The following BMP6 variants were observed in gnomAD, a reference collection of about 807,000 sequenced individuals.
The protein encoded by BMP6 is VG-1-R.
In BMP6, 17 loss-of-function variants were observed where a neutral mutation model predicts 54.1. That is an observed-to-expected ratio of 0.31 (90% confidence interval 0.22 to 0.47). The LOEUF is 0.47. Ranked by LOEUF, BMP6 falls within the 20% of genes least tolerant of loss-of-function variation. The pLI is 1.00. For synonymous variants in BMP6, 328 were observed against 291.2 expected (o/e 1.13, Z -1.28); for missense variants, 720 against 690.4 (o/e 1.04, Z -0.48).
At chr6:7,752,855 C>T (rs893170261) in intron 1 of BMP6, among the ~76,000 whole-genome samples, 5 of 152,106 alleles carry the variant, frequency 3.3e-5, no homozygotes, top group African/African-American at 1.2e-4. Flanking sequence ...GTGTTTTCCC[C>T]CTTTTCTCTT....
intron 1 of BMP6, among the ~76,000 whole-genome samples, chr6:7,812,273 G>C (rs553221300): frequency 8.5e-5 from 13 of 152,310 alleles, no homozygotes; most frequent in Admixed American, 5.9e-4. Context: ...TTAGAAAAAG[G>C]TTCCTTTGGT....
chr6:7,836,033 G>A (rs1356677298), intron 1 of BMP6, among the ~76,000 whole-genome samples: 1 of 151,966 alleles, frequency 6.6e-6, no homozygotes, highest in Admixed American at 6.6e-5. Flanking sequence ...TAGAGGCAAG[G>A]TTTCCCCGTG....
intron 1 of BMP6, among the ~76,000 whole-genome samples, chr6:7,733,995 C>G (rs181775962): frequency 1.3e-5 from 2 of 152,338 alleles, no homozygotes; most frequent in Admixed American, 1.3e-4. Context: ...CATTAGAAAT[C>G]AGTAACACAT....
chr6:7,861,795 G>T (rs78123287), intron 3 of BMP6, among the ~76,000 whole-genome samples, 196 bp downstream of exon 3: 3 of 152,148 alleles, frequency 2.0e-5, no homozygotes, highest in Admixed American at 6.5e-5. Context: ...TTGAAAACAG[G>T]CTTGGGCAAC....
chr6:7,754,740 CAG>C (rs1757485852), intron 1 of BMP6, among the ~76,000 whole-genome samples: 1 of 152,176 alleles, frequency 6.6e-6, no homozygotes, highest in Admixed American at 6.5e-5. Flanking sequence ...TTGTTTGAGA[CAG>C]AGTCTCGCTC....
At chr6:7,815,750 A>G (rs1581260063) in intron 1 of BMP6, among the ~76,000 whole-genome samples, 1 of 152,366 alleles carries the variant, frequency 6.6e-6, no homozygotes, top group Non-Finnish European at 1.5e-5. Flanking sequence ...CTAAGAAGGG[A>G]AGAAAATGGC....
intron 1 of BMP6, among the ~76,000 whole-genome samples, chr6:7,838,246 ATAAATT>A (rs1428011587): frequency 6.6e-6 from 1 of 152,184 alleles, no homozygotes; most frequent in Admixed American, 6.5e-5. Context: ...TGCCTAATTT[ATAAATT>A]TAAATTTATT....
At chr6:7,839,063 G>A (rs140083588) in intron 1 of BMP6, among the ~76,000 whole-genome samples, 98 of 152,230 alleles carry the variant, frequency 6.4e-4, no homozygotes, top group African/African-American at 2.3e-3. Flanking sequence ...GACTTAAGAG[G>A]TAGAATAATC....
At chr6:7,750,810 C>T (rs1042457771) in intron 1 of BMP6, among the ~76,000 whole-genome samples, 19 of 152,156 alleles carry the variant, frequency 1.2e-4, no homozygotes, top group Non-Finnish European at 2.5e-4. Flanking sequence ...TCATCAAACA[C>T]TTTATGACTA....
At chr6:7,747,107 C>T (rs1230923320) in intron 1 of BMP6, among the ~76,000 whole-genome samples, 1 of 152,188 alleles carries the variant, frequency 6.6e-6, no homozygotes, top group African/African-American at 2.4e-5. Context: ...AACTTCATTA[C>T]CTCGGTTCAC....
Position 7,727,090 on chromosome 6 carries a change from G to A in BMP6, c.135G>A (p.Gly45=). The A allele has an allele frequency of 1.5e-6, 2 of 1,329,214 alleles. No homozygotes were observed. The highest frequency in any genetic ancestry group is 2.2e-5 in the South Asian group (1 of 46,440). The allele number at this position is 1,329,214 out of a possible 1,614,324, so 82.3% of individuals were successfully genotyped here. A position where few individuals can be genotyped will look rare whatever the true frequency, so the allele number is the denominator to read the frequency against. ...AAAAAGGQLL[G]DGGSPGRTEQ... ...CCGCCGCCGGGGGGCAGCTGCTGGG[G>A]GACGGCGGGAGCCCCGGCCGCACGG... The change falls in exon 1 of 7, where the codon GGG becomes GGA. Residue 45 remains glycine (G), a synonymous_variant. Coordinates refer to ENST00000283147, the MANE Select transcript of BMP6 (RefSeq NM_001718.6).
intron 1 of BMP6, among the ~76,000 whole-genome samples, chr6:7,781,698 G>A (rs1400763699): frequency 6.6e-6 from 1 of 151,546 alleles, no homozygotes; most frequent in Non-Finnish European, 1.5e-5. Flanking sequence ...AGTGATCATA[G>A]TTCTGAGTAT....
chr6:7,871,417 G>A (rs988625286), intron 4 of BMP6, among the ~76,000 whole-genome samples: 2 of 152,244 alleles, frequency 1.3e-5, no homozygotes, highest in South Asian at 2.1e-4. Context: ...GAGCAGGCCA[G>A]GGAGTTACCT....
At chr6:7,775,852 A>G (rs1199504581) in intron 1 of BMP6, among the ~76,000 whole-genome samples, 1 of 152,222 alleles carries the variant, frequency 6.6e-6, no homozygotes, top group African/African-American at 2.4e-5. Flanking sequence ...TCCAAAACTA[A>G]ACATTTGGGG....
intron 1 of BMP6, among the ~76,000 whole-genome samples, chr6:7,768,866 A>G (rs1454508563): frequency 6.6e-6 from 1 of 152,184 alleles, no homozygotes; most frequent in Admixed American, 6.5e-5. Context: ...ACAGCTTGCC[A>G]TGATCTGTCA....
chr6:7,761,372 C>T (rs781070377), intron 1 of BMP6, among the ~76,000 whole-genome samples: 4 of 152,188 alleles, frequency 2.6e-5, no homozygotes, highest in Non-Finnish European at 5.9e-5. Flanking sequence ...TATAATTGGG[C>T]AGTAGACAGA....
At chr6:7,871,577 C>T (rs1375460377) in intron 4 of BMP6, among the ~76,000 whole-genome samples, 3 of 152,198 alleles carry the variant, frequency 2.0e-5, no homozygotes, top group African/African-American at 7.2e-5. Context: ...GCACCTGGGG[C>T]CTTGTCTTGA....
chr6:7,737,236 T>C (rs1421589429), intron 1 of BMP6, among the ~76,000 whole-genome samples: 1 of 151,710 alleles, frequency 6.6e-6, no homozygotes, highest in African/African-American at 2.4e-5. Flanking sequence ...GCTTGAGAAA[T>C]TCAGCCTTGT....
intron 4 of BMP6, among the ~76,000 whole-genome samples, chr6:7,868,350 A>G (rs577686193): frequency 6.6e-6 from 1 of 152,264 alleles, no homozygotes; most frequent in Admixed American, 6.5e-5. Flanking sequence ...GAGATTATTG[A>G]CACCAGAAAT....
Sources: gnomAD v4.1 joint callset for allele counts (sites outside exome capture counted in the v4.1 genomes callset) on GRCh38, gnomAD v4.1.1 for gene constraint, MANE v1.5 for transcripts, NCBI Gene and HGNC (gene_info 2026-07-23, HGNC 2026-07-21) for gene names.